Variants in DBF4 observed in about 807,000 individuals in gnomAD.
DBF4 encodes the protein DBF4-CDC7 kinase regulatory subunit, also known as protein DBF4 homolog A.
A neutral mutation model predicts 76.6 loss-of-function variants in DBF4; 25 were observed. The ratio of observed to expected loss-of-function variants is 0.33; its 90% CI spans 0.24 to 0.46. DBF4 has a LOEUF of 0.46. Ranked by LOEUF, DBF4 falls within the 20% of genes least tolerant of loss-of-function variation. DBF4 has a pLI of 1.00. For missense variants in DBF4, 638 were observed against 760.8 expected, an observed-to-expected ratio of 0.84 and a Z score of 1.90; for synonymous variants, 213 against 258.0, an observed-to-expected ratio of 0.83 and a Z score of 1.67.
chr7:87,877,253 A>T (rs564497702), intron 1 of DBF4, among the ~76,000 whole-genome samples: 1 of 152,316 alleles, frequency 6.6e-6, no homozygotes, highest in Admixed American at 6.5e-5. Context: ...TTTCCTCATA[A>T]GTTGGGGGAA....
At chr7:87,885,755 G>C (rs572389511) in intron 3 of DBF4, among the ~76,000 whole-genome samples, 4 of 152,276 alleles carry the variant, frequency 2.6e-5, no homozygotes, top group Admixed American at 2.6e-4. Context: ...GGCCAACAAA[G>C]CTTAAAATGT....
chr7:87,891,138 G>A (rs549539693), intron 6 of DBF4, among the ~76,000 whole-genome samples: 5 of 147,672 alleles, frequency 3.4e-5, no homozygotes, highest in African/African-American at 9.9e-5. Context: ...TTTACTCATT[G>A]CTTTATTTAA....
In DBF4 at chr7:87,894,939, TTTG is replaced by T. The variant is rs369545157; in HGVS notation, c.598-1532_598-1530del. 2.6e-5 allele frequency among the ~76,000 whole-genome samples: 4 copies of T among 152,320 alleles called. No individual in the cohort carries two copies. In the South Asian group the frequency reaches 6.2e-4, roughly 24 times the overall value. On this transcript the variant is annotated intron_variant, in intron 6 of 11. Coordinates refer to ENST00000265728, the MANE Select transcript of DBF4 (RefSeq NM_006716.4). ...TGTTTGGAAAGTTTTCAGCTATTAT[TTTG>T]TTAATTTTTTTTCTTCACTAGTCTC...
intron 6 of DBF4, among the ~76,000 whole-genome samples, chr7:87,893,533 C>CCG (rs1839549867): frequency 6.6e-6 from 1 of 152,208 alleles, no homozygotes; most frequent in Admixed American, 6.5e-5. Context: ...GCGTGAGCCA[C>CCG]CGCGCCCGGC....
At chr7:87,894,808 T>C (rs1839592530) in intron 6 of DBF4, among the ~76,000 whole-genome samples, 1 of 152,248 alleles carries the variant, frequency 6.6e-6, no homozygotes, top group Admixed American at 6.5e-5. Flanking sequence ...ATCTACTGTA[T>C]CATTTTTCTC....
chr7:87,876,920 C>T, intron 1 of DBF4, 142 bp downstream of exon 1: 2 of 886,756 alleles, frequency 2.3e-6, no homozygotes, highest in South Asian at 3.1e-5. Flanking sequence ...GAAGGAGCCC[C>T]CGTTCAGTGT....
At chr7:87,900,029 G>C (rs1434952716) in intron 8 of DBF4, among the ~76,000 whole-genome samples, 192 bp from the exon 9 acceptor site, 1 of 151,966 alleles carries the variant, frequency 6.6e-6, no homozygotes, top group Non-Finnish European at 1.5e-5. Flanking sequence ...AATTTTATGT[G>C]TATTTTACCA....
chr7:87,884,814 A>G (rs776995066), intron 2 of DBF4, among the ~76,000 whole-genome samples, 165 bp from the exon 3 acceptor site: 2 of 152,166 alleles, frequency 1.3e-5, no homozygotes, highest in Non-Finnish European at 2.9e-5. Flanking sequence ...GCATGTGCCT[A>G]TAGTCCCAGC....
intron 11 of DBF4, 149 bp from the exon 12 acceptor site, chr7:87,907,039 T>A (rs1162502983): frequency 1.1e-6 from 1 of 891,358 alleles, no homozygotes; most frequent in East Asian, 2.9e-5. Context: ...TGGCAAAATG[T>A]TAAGATGTTT....
At chr7:87,881,621 G>T (rs6955897) in intron 2 of DBF4, among the ~76,000 whole-genome samples, 7,412 of 152,182 alleles carry the variant, frequency 0.049, 271 homozygotes, top group East Asian at 0.09. Context: ...GGGCATGTGG[G>T]AATTCATTCA....
intron 8 of DBF4, among the ~76,000 whole-genome samples, chr7:87,898,278 A>G (rs1839689019): frequency 6.6e-6 from 1 of 152,206 alleles, no homozygotes; most frequent in African/African-American, 2.4e-5. Flanking sequence ...GCAATTCAAA[A>G]GGAGGCCTAG....
chr7:87,887,987 T>C lies in DBF4; in HGVS notation c.525T>C (p.Ile175=). ...WGVKILHIDD[I]RYYIEQKKKE... is the part of the protein sequence containing the mutation. ...ACCTTCTTTCTTTTAATAAAGACATTAGATACTACATTGAACAAAAGAAAA... is the reference window on the plus strand; with the variant it reads ...ACCTTCTTTCTTTTAATAAAGACATCAGATACTACATTGAACAAAAGAAAA... Residue 175 remains isoleucine (I), a synonymous_variant, in exon 6 of 12, where the codon ATT becomes ATC. Coordinates refer to ENST00000265728, the MANE Select transcript of DBF4 (RefSeq NM_006716.4). The C allele has an allele frequency of 6.5e-7, 1 of 1,548,970 alleles. No individual in the cohort carries two copies. The highest frequency in any genetic ancestry group is 8.7e-7 in the Non-Finnish European group (1 of 1,148,976).
Position 87,908,228 on chromosome 7 carries a change from G to A in DBF4, c.*65G>A, listed in dbSNP as rs1413042047. 2.2e-6 allele frequency: 3 copies of A among 1,340,666 alleles called. No homozygotes were observed. Among genetic ancestry groups the A allele is most frequent in the East Asian group, 2.7e-5 (1 of 37,532 alleles). 83.0% of individuals were successfully genotyped at this position (1,340,666 alleles called of 1,614,324 possible). A position where few individuals can be genotyped will look rare whatever the true frequency, so the allele number is the denominator to read the frequency against. On this transcript the variant is annotated 3_prime_UTR_variant, in exon 12 of 12. Transcript: ENST00000265728. Reference sequence around the variant, plus strand: ...ATATTCTTGAAATTTTTATAAATATGTATGGAAATTCTTAGGATTTTTTTA... The same window carrying A: ...ATATTCTTGAAATTTTTATAAATATATATGGAAATTCTTAGGATTTTTTTA...
chr7:87,883,427 A>T (rs1839265714), intron 2 of DBF4, among the ~76,000 whole-genome samples: 1 of 152,206 alleles, frequency 6.6e-6, no homozygotes, highest in African/African-American at 2.4e-5. Flanking sequence ...GGCTAATTTT[A>T]TATTTATCAC....
intron 11 of DBF4, among the ~76,000 whole-genome samples, chr7:87,904,633 T>A (rs1472708932): frequency 6.6e-6 from 1 of 152,014 alleles, no homozygotes; most frequent in East Asian, 1.9e-4. Context: ...TCCCAGCTAC[T>A]CGGGAGGCTG....
chr7:87,886,720 G>T (rs1839364640), intron 3 of DBF4, 124 bp from the exon 4 acceptor site: 1 of 635,160 alleles, frequency 1.6e-6, no homozygotes, highest in Admixed American at 3.2e-5. Flanking sequence ...AACCAAAGAG[G>T]TCACCCAAAA....
intron 7 of DBF4, 126 bp from the exon 8 acceptor site, chr7:87,897,168 C>G: frequency 2.5e-6 from 2 of 812,586 alleles, no homozygotes; most frequent in South Asian, 3.5e-5. Context: ...TCATCTGAGG[C>G]TTAAAACTTT....
chr7:87,900,137 TTA>T, intron 8 of DBF4, 82 bp from the exon 9 acceptor site: 10 of 1,149,848 alleles, frequency 8.7e-6, no homozygotes, highest in South Asian at 1.4e-5. Flanking sequence ...TCCAGCTTAA[TTA>T]TATGATTTTG....
chr7:87,886,748 A>G, intron 3 of DBF4, 96 bp from the exon 4 acceptor site: 2 of 753,272 alleles, frequency 2.7e-6, no homozygotes, highest in South Asian at 1.7e-5. Context: ...ACTTTTTAAT[A>G]TGAGACCCAA....
Sources: allele counts gnomAD v4.1 joint callset (sites outside exome capture counted in the v4.1 genomes callset), GRCh38; gene constraint gnomAD v4.1.1; transcripts MANE v1.5; gene names NCBI Gene and HGNC (gene_info 2026-07-23, HGNC 2026-07-21).